ACAD8: variants seen among roughly 807,000 people sequenced by gnomAD.
The protein encoded by ACAD8 is acyl-CoA dehydrogenase family member 8.
ACAD8 carries 47 observed loss-of-function variants against 53.1 expected under a neutral mutation model. That is an observed-to-expected ratio of 0.89 (90% CI 0.70 to 1.13). The LOEUF is 1.13. ACAD8 is among the 50% of genes most tolerant of loss of function. ACAD8 has a pLI of 0.00. For missense variants in ACAD8, 494 were observed against 535.0 expected (o/e 0.92, Z 0.76); for synonymous variants, 198 against 201.3 (o/e 0.98, Z 0.14).
At chr11:134,256,507 C>G in intron 1 of ACAD8, 41 bp from the exon 2 acceptor site, 2 of 1,557,094 alleles carry the variant, frequency 1.3e-6, no homozygotes, top group South Asian at 2.2e-5. Flanking sequence ...GTTGGCAACA[C>G]TGACCCTGTC....
chr11:134,262,472 CCA>C (rs1012128699), intron 9 of ACAD8, 46 bp from the exon 10 acceptor site: 4 of 1,360,506 alleles, frequency 2.9e-6, no homozygotes, highest in Middle Eastern at 1.9e-4. Context: ...GCTGCTTGCT[CCA>C]CAGTCTTCCC....
chr11:134,253,587 G>C lies in ACAD8; in HGVS notation c.-14G>C. The C allele has an allele frequency of 6.4e-7, 1 of 1,572,054 alleles. No homozygotes were observed. On this transcript the variant is annotated 5_prime_UTR_variant, in exon 1 of 11. Coordinates refer to ENST00000281182, the MANE Select transcript of ACAD8 (RefSeq NM_014384.3). ...GCGTTCAGACTCTTAGCTGAACGCG[G>C]AGCTGCGGCGGCTATGCTGTGGAGC...
Position 134,262,544 on chromosome 11 carries a change from C to T in ACAD8, c.1117C>T (p.His373Tyr), listed in dbSNP as rs758326716. The T allele has an allele frequency of 6.2e-7, 1 of 1,613,916 alleles. No individual in the cohort carries two copies. The highest frequency in any genetic ancestry group is 8.5e-7 in the Non-Finnish European group (1 of 1,179,896). ...GATCTGCAACCAGGCCTTGCAGATG[C>T]ACGGGGGCTACGGCTACCTGAAGGA... ...FAICNQALQMHGGYGYLKDYA... is the reference protein window; with the variant it reads ...FAICNQALQMYGGYGYLKDYA... Residue 373 changes from histidine (H) to tyrosine (Y), a missense_variant, in exon 10 of 11, where the codon CAC becomes TAC. His to Tyr is a moderately conservative substitution (Grantham distance 83). Transcript: ENST00000281182.
At position 134,253,635 on chromosome 11, in the gene ACAD8, G is replaced by C; in HGVS notation, c.35G>C (p.Arg12Pro). The change falls in exon 1 of 11, where the codon CGC (arginine) becomes CCC (proline). Residue 12 changes from arginine (R) to proline (P), a missense_variant. Arg to Pro is a moderately radical substitution (Grantham distance 103). Transcript: ENST00000281182. ...AGCGGCTGCCGGCGTTTCGGGGCGC[G>C]CCTCGGCTGCCTGCCCGGCGGTCTC... ...LWSGCRRFGA[R>P]LGCLPGGLRV... 1 of 1,585,258 alleles carries C rather than the reference G, an allele frequency of 6.3e-7. No homozygotes were observed. The highest frequency in any genetic ancestry group is 2.3e-5 in the East Asian group (1 of 43,074).
Position 134,265,206 on chromosome 11 carries a change from A to C in ACAD8, c.*246A>C. 1 of 566,622 alleles carries C rather than the reference A, an allele frequency of 1.8e-6. No homozygotes were observed. The allele number at this position is 566,622 out of a possible 1,614,324, so 35.1% of individuals were successfully genotyped here. A position where few individuals can be genotyped will look rare whatever the true frequency, so the allele number is the denominator to read the frequency against. ...AGAACACATACTACCTTGTTTTCCT[A>C]ATGCCAGAAGGGTGACCAGTGAAGA... On this transcript the variant is annotated 3_prime_UTR_variant, in exon 11 of 11. Transcript: ENST00000281182.
chr11:134,261,163 A>T lies in ACAD8; in HGVS notation c.825A>T (p.Gly275=), dbSNP rs572170782. ...GFLIAVRGLN[G]GRINIASCSL... ...TCATTGCCGTGAGAGGACTGAACGG[A>T]GGGAGGATCAATATTGGTGAGATAC... The change falls in exon 7 of 11, where the codon GGA becomes GGT. Residue 275 remains glycine, a synonymous_variant. Transcript: ENST00000281182. The surrounding 1 kb of genome is among the most constrained non-coding windows in gnomAD (Gnocchi z 4.2). The T allele has an allele frequency of 1.1e-5, 18 of 1,613,094 alleles. No individual in the cohort carries two copies. The South Asian group carries it at 1.8e-4, about 16-fold the overall frequency.
chr11:134,261,835 A>T lies in ACAD8; in HGVS notation c.1037A>T (p.Asp346Val), dbSNP rs1224033017. ...GTGGCTCTGCAGGAGGAGAGGAAGG[A>T]TGCAGTGGCCTTGTGCTCCATGGCC... Reference protein sequence around the residue: ...AAVALQEERKDAVALCSMAKL... With the variant: ...AAVALQEERKVAVALCSMAKL... Residue 346 changes from aspartate to valine, a missense_variant, in exon 9 of 11, where the codon GAT becomes GTT. Transcript: ENST00000281182. The surrounding 1 kb of genome is among the most constrained non-coding windows in gnomAD (Gnocchi z 4.2). The T allele has an allele frequency of 6.2e-7, 1 of 1,614,092 alleles. No homozygotes were observed. Among genetic ancestry groups the T allele is most frequent in the Non-Finnish European group, 8.5e-7 (1 of 1,180,046 alleles).
rs773828525 is a variant in ACAD8 at position 134,261,863 on chromosome 11, G to A, written c.1065G>A (p.Lys355=). The A allele has an allele frequency of 1.2e-6, 2 of 1,614,180 alleles. No individual in the cohort carries two copies. Among genetic ancestry groups the A allele is most frequent in the Non-Finnish European group, 1.7e-6 (2 of 1,180,038 alleles). Residue 355 remains lysine (K), a synonymous_variant, in exon 9 of 11, where the codon AAG becomes AAA. Transcript: ENST00000281182. The surrounding 1 kb of genome is among the most constrained non-coding windows in gnomAD (Gnocchi z 4.2). Reference sequence around the variant, plus strand: ...CAGTGGCCTTGTGCTCCATGGCCAAGCTCTTTGCTACAGATGAATGCTTTG... The same window carrying A: ...CAGTGGCCTTGTGCTCCATGGCCAAACTCTTTGCTACAGATGAATGCTTTG... ...KDAVALCSMA[K]LFATDECFAI...
chr11:134,255,513 G>A (rs1939476263), intron 1 of ACAD8, among the ~76,000 whole-genome samples: 1 of 152,150 alleles, frequency 6.6e-6, no homozygotes, highest in Non-Finnish European at 1.5e-5. Flanking sequence ...AATGATCTTT[G>A]AGCCATGGTC....
intron 2 of ACAD8, chr11:134,256,849 A>G (rs1394425443): frequency 1.5e-6 from 1 of 665,066 alleles, no homozygotes; most frequent in Non-Finnish European, 2.5e-6. Context: ...TTAGTTGAAT[A>G]AAGATTTGGA....
At chr11:134,253,988 T>C (rs1464533626) in intron 1 of ACAD8, among the ~76,000 whole-genome samples, 1 of 140,388 alleles carries the variant, frequency 7.1e-6, no homozygotes, top group Non-Finnish European at 1.5e-5. Context: ...CTCCGGCCGG[T>C]CACCCCCGCC....
At chr11:134,256,137 C>A (rs1053566594) in intron 1 of ACAD8, among the ~76,000 whole-genome samples, 2 of 152,238 alleles carry the variant, frequency 1.3e-5, no homozygotes, top group East Asian at 3.8e-4. Flanking sequence ...GAGCTCCTGA[C>A]CTCAGGTGAT....
intron 1 of ACAD8, among the ~76,000 whole-genome samples, chr11:134,255,671 G>A (rs1422163603): frequency 1.3e-5 from 2 of 152,190 alleles, no homozygotes; most frequent in Admixed American, 6.5e-5. Flanking sequence ...CAGCCTAATC[G>A]TTAATCCTCA....
chr11:134,260,083 G>A (rs1288831021), intron 6 of ACAD8: 4 of 1,200,232 alleles, frequency 3.3e-6, no homozygotes, highest in Non-Finnish European at 4.2e-6. Context: ...GAGAAGACCT[G>A]GTGTTGGCCA....
intron 1 of ACAD8, among the ~76,000 whole-genome samples, chr11:134,255,236 A>G (rs1939444690): frequency 6.6e-6 from 1 of 152,180 alleles, no homozygotes; most frequent in Admixed American, 6.5e-5. Flanking sequence ...CCACGGGTTC[A>G]AGCAATTCTT....
At position 134,256,634 on chromosome 11, in the gene ACAD8, G is replaced by T; in HGVS notation, c.196G>T (p.Glu66Ter). The change falls in exon 2 of 11, where the codon GAG (glutamate) becomes TAG (stop). Residue 66 changes from glutamate to a stop codon, truncating the protein, a stop_gained. Coordinates refer to ENST00000281182, the MANE Select transcript of ACAD8 (RefSeq NM_014384.3). LOFTEE classifies it high-confidence loss of function. ...AAREMAPNMAEWDQKELFPVD... is the reference protein window; with the variant it reads ...AAREMAPNMA ...CCGAGAGATGGCTCCAAATATGGCAGAGTGGGACCAGAAGGTAGGCGTTTT... is the reference window on the plus strand; with the variant it reads ...CCGAGAGATGGCTCCAAATATGGCATAGTGGGACCAGAAGGTAGGCGTTTT... 1 of 1,614,206 alleles carries T rather than the reference G, an allele frequency of 6.2e-7. No individual in the cohort carries two copies. The highest frequency in any genetic ancestry group is 8.5e-7 in the Non-Finnish European group (1 of 1,180,014).
chr11:134,264,862 C>CA (rs1202488853), intron 10 of ACAD8, 46 bp from the exon 11 acceptor site: 1 of 1,577,566 alleles, frequency 6.3e-7, no homozygotes, highest in African/African-American at 1.4e-5. Context: ...ACTAAACTCT[C>CA]AGACTTTGCT....
chr11:134,259,675 C>T lies in ACAD8; in HGVS notation c.635C>T (p.Pro212Leu), dbSNP rs267602788. 1 of 1,614,178 alleles carries T rather than the reference C, an allele frequency of 6.2e-7. No homozygotes were observed. Among genetic ancestry groups the T allele is most frequent in the East Asian group, 2.2e-5 (1 of 44,874 alleles). ...VVMCRTGGPGPKGISCIVVEK... is the reference protein window; with the variant it reads ...VVMCRTGGPGLKGISCIVVEK... ...ATGTGCCGAACAGGAGGACCAGGCC[C>T]CAAGGGCATCTCATGCATAGTTGTT... Residue 212 changes from proline to leucine, a missense_variant, in exon 6 of 11, where the codon CCC becomes CTC. Transcript: ENST00000281182.
At chr11:134,262,925 C>G in intron 10 of ACAD8, 1 of 1,307,326 alleles carries the variant, frequency 7.6e-7, no homozygotes. Context: ...ACAGCCGGGG[C>G]TTTTCTCTAA....
Sources: gnomAD v4.1 joint callset for allele counts (sites outside exome capture counted in the v4.1 genomes callset) on GRCh38, gnomAD v4.1.1 for gene constraint, Gnocchi (gnomAD v3.1) non-coding constraint, MANE v1.5 for transcripts, NCBI Gene and HGNC (gene_info 2026-07-23, HGNC 2026-07-21) for gene names.